The following FZD3 variants were observed in gnomAD, a reference collection of about 807,000 sequenced individuals.
The protein encoded by FZD3 is frizzled-3.
Under a neutral mutation model 60.7 loss-of-function variants are expected in FZD3, and 30 were observed. The ratio of observed to expected loss-of-function variants is 0.49; its 90% CI spans 0.37 to 0.67. The LOEUF (loss-of-function observed/expected upper bound fraction) is 0.67, where lower values mean the gene tolerates loss of function less well. FZD3 is among the 30% of genes least tolerant of loss of function. The probability of loss-of-function intolerance (pLI) is 0.00; values close to 1 mark genes in which losing one functional copy is unlikely to be tolerated. For missense variants in FZD3, 605 were observed against 838.7 expected (o/e 0.72, Z 3.44); for synonymous variants, 246 against 275.2 (o/e 0.89, Z 1.05).
intron 4 of FZD3, among the ~76,000 whole-genome samples, chr8:28,526,671 T>G (rs768469085): frequency 6.6e-6 from 1 of 152,180 alleles, no homozygotes; most frequent in Non-Finnish European, 1.5e-5. Flanking sequence ...TGGTTTGTAT[T>G]AGAAAATTTG....
rs1035168120 is a variant in FZD3 at position 28,552,045 on chromosome 8, C to T, written c.1553+294C>T. Among the ~76,000 whole-genome samples, 5 of 152,286 alleles carry T rather than the reference C, an allele frequency of 3.3e-5. No homozygotes were observed. In the South Asian group the frequency reaches 1.0e-3, roughly 32 times the overall value. On this transcript the variant is annotated intron_variant, in intron 6 of 7. Coordinates refer to ENST00000240093, the MANE Select transcript of FZD3 (RefSeq NM_017412.4). ...ATTCAAATTGTAATTTTCTTAAAAGCAAATTAATGCTTTTCTCTACATTCT... is the reference window on the plus strand; with the variant it reads ...ATTCAAATTGTAATTTTCTTAAAAGTAAATTAATGCTTTTCTCTACATTCT...
chr8:28,498,718 C>T (rs1316008228), intron 1 of FZD3, among the ~76,000 whole-genome samples: 1 of 152,170 alleles, frequency 6.6e-6, no homozygotes, highest in Admixed American at 6.5e-5. Flanking sequence ...GGCCTACAGG[C>T]GCATGCCAGC....
intron 3 of FZD3, among the ~76,000 whole-genome samples, chr8:28,515,598 C>T (rs979194687): frequency 5.3e-5 from 8 of 152,192 alleles, no homozygotes; most frequent in African/African-American, 1.9e-4. Flanking sequence ...TGTATGCATG[C>T]TCACTTGACG....
At position 28,527,935 on chromosome 8, in the gene FZD3, C is replaced by G. The variant is rs780945967; in HGVS notation, c.1175C>G (p.Ala392Gly). 2 of 1,613,856 alleles carry G rather than the reference C, an allele frequency of 1.2e-6. No individual in the cohort carries two copies. The highest frequency in any genetic ancestry group is 2.7e-5 in the African/African-American group (2 of 74,928). ...YVVVGVSLLLAGIISLNRVRI... is the reference protein window; with the variant it reads ...YVVVGVSLLLGGIISLNRVRI... ...GTAGTTGGGGTTTCTCTCCTCTTAG[C>G]TGGCATTATATCCCTAAACAGAGTT... Residue 392 changes from alanine (A) to glycine (G), a missense_variant, in exon 5 of 8, where the codon GCT (alanine) becomes GGT (glycine). Physicochemically the swap from Ala to Gly is moderately conservative, Grantham distance 60. Transcript: ENST00000240093. This position sits in a 1 kb window ranked among gnomAD's most constrained non-coding sequence, Gnocchi z 5.0.
At position 28,527,847 on chromosome 8, in the gene FZD3, G is replaced by C. The variant is rs747574173; in HGVS notation, c.1087G>C (p.Val363Leu). ...EGDNISGVCF[V>L]GLYDVDALRY... ...TGACAATATTAGTGGCGTGTGTTTT[G>C]TTGGCCTCTACGATGTTGATGCATT... The change falls in exon 5 of 8, where the codon GTT becomes CTT. Residue 363 changes from valine (V) to leucine (L), a missense_variant. Coordinates refer to ENST00000240093, the MANE Select transcript of FZD3 (RefSeq NM_017412.4). The surrounding 1 kb of genome is among the most constrained non-coding windows in gnomAD (Gnocchi z 5.0). 6.2e-7 allele frequency: 1 copy of C among 1,613,940 alleles called. No homozygotes were observed. The highest frequency in any genetic ancestry group is 1.3e-5 in the African/African-American group (1 of 74,914).
At chr8:28,519,354 G>C (rs1804511830) in intron 3 of FZD3, among the ~76,000 whole-genome samples, 3 of 152,020 alleles carry the variant, frequency 2.0e-5, no homozygotes, top group Admixed American at 1.3e-4. Flanking sequence ...TTTATGTTTG[G>C]GGTTACTATT....
At chr8:28,560,085 A>G (rs188938609) in intron 7 of FZD3, among the ~76,000 whole-genome samples, 1 of 152,294 alleles carries the variant, frequency 6.6e-6, no homozygotes, top group African/African-American at 2.4e-5. Context: ...TGACAAGAAA[A>G]AGCTAGGGAG....
At chr8:28,496,396 C>G (rs182510642) in intron 1 of FZD3, among the ~76,000 whole-genome samples, 1 of 152,146 alleles carries the variant, frequency 6.6e-6, no homozygotes, top group Non-Finnish European at 1.5e-5. Context: ...CTTACCACTT[C>G]TTTGAGCGGT....
chr8:28,563,126 A>T lies in FZD3; in HGVS notation c.*115A>T. 1 of 728,062 alleles carries T rather than the reference A, an allele frequency of 1.4e-6. No individual in the cohort carries two copies. The highest frequency in any genetic ancestry group is 1.6e-5 in the South Asian group (1 of 61,508). The allele number at this position is 728,062 out of a possible 1,614,324, so 45.1% of individuals were successfully genotyped here. On this transcript the variant is annotated 3_prime_UTR_variant, in exon 8 of 8. Transcript: ENST00000240093. ...TTAACATGCTTTCAGTCAAGTACAG[A>T]TTGTGTCCACTGGAAAGGTAAATGA...
chr8:28,503,992 A>C (rs1294819176), intron 3 of FZD3, among the ~76,000 whole-genome samples: 1 of 152,208 alleles, frequency 6.6e-6, no homozygotes, highest in Admixed American at 6.5e-5. Flanking sequence ...GTTAATTCAT[A>C]TTCTCATATT....
intron 4 of FZD3, among the ~76,000 whole-genome samples, chr8:28,523,377 T>G (rs960464786): frequency 6.6e-6 from 1 of 152,078 alleles, no homozygotes; most frequent in Non-Finnish European, 1.5e-5. Context: ...GCAAGCTCAC[T>G]CTGCAGCCTC....
chr8:28,498,026 C>T (rs928912154), intron 1 of FZD3, among the ~76,000 whole-genome samples: 2 of 152,198 alleles, frequency 1.3e-5, no homozygotes, highest in African/African-American at 4.8e-5. Context: ...TATAAAATTC[C>T]TGATGTTATA....
In FZD3 at chr8:28,566,390, T is replaced by C. The variant is rs1272385537; in HGVS notation, c.*3379T>C. Reference sequence around the variant, plus strand: ...TCTTAGAAGTGAGTAATTAGACTCCTTTTAGTCTTATGCTGTTAGATCTTT... The same window carrying C: ...TCTTAGAAGTGAGTAATTAGACTCCCTTTAGTCTTATGCTGTTAGATCTTT... On this transcript the variant is annotated 3_prime_UTR_variant, in exon 8 of 8. Transcript: ENST00000240093. 6.6e-6 allele frequency: 1 copy of C among 152,184 alleles called. No individual in the cohort carries two copies. Among genetic ancestry groups the C allele is most frequent in the East Asian group, 1.9e-4 (1 of 5,200 alleles). The allele number at this position is 152,184 out of a possible 1,614,324, so 9.4% of individuals were successfully genotyped here. A position where few individuals can be genotyped will look rare whatever the true frequency, so the allele number is the denominator to read the frequency against.
intron 3 of FZD3, among the ~76,000 whole-genome samples, chr8:28,511,734 C>T (rs1165715324): frequency 6.6e-6 from 1 of 152,164 alleles, no homozygotes; most frequent in East Asian, 1.9e-4. Context: ...TGACTCTCTT[C>T]TCCATACTCA....
At chr8:28,531,689 G>A (rs556142872) in intron 5 of FZD3, among the ~76,000 whole-genome samples, 36 of 152,120 alleles carry the variant, frequency 2.4e-4, no homozygotes, top group African/African-American at 7.7e-4. Flanking sequence ...CTTATTATAC[G>A]TAAGGTTGAA....
Position 28,555,879 on chromosome 8 carries a change from G to A in FZD3, c.1695G>A (p.Leu565=). The change falls in exon 7 of 8, where the codon CTG becomes CTA. Residue 565 remains leucine (L), a synonymous_variant. Transcript: ENST00000240093. The part of the protein sequence containing the change: ...GTSTHASSTQ[L]AMVDDQRSKA... ...CCACCCATGCTTCTTCAACTCAGCT[G>A]GCTATGGTGGATGATCAAAGAAGCA... The A allele has an allele frequency of 6.2e-7, 1 of 1,613,968 alleles. No homozygotes were observed. The highest frequency in any genetic ancestry group is 8.5e-7 in the Non-Finnish European group (1 of 1,179,850).
chr8:28,535,148 C>T lies in FZD3; in HGVS notation c.1404+6984C>T, dbSNP rs1804976590. On this transcript the variant is annotated intron_variant, in intron 5 of 7. Coordinates refer to ENST00000240093, the MANE Select transcript of FZD3 (RefSeq NM_017412.4). ...AGTGCAAATTGCATGAATGTAAATTCATAATTTGAAGAAAAATTGGCTGGG... is the reference window on the plus strand; with the variant it reads ...AGTGCAAATTGCATGAATGTAAATTTATAATTTGAAGAAAAATTGGCTGGG... Among the ~76,000 whole-genome samples the T allele has an allele frequency of 2.0e-5, 3 of 152,078 alleles. No homozygotes were observed. In the South Asian group the frequency reaches 6.2e-4, roughly 31 times the overall value.
chr8:28,546,776 C>T (rs532840745), intron 5 of FZD3, among the ~76,000 whole-genome samples: 1 of 152,152 alleles, frequency 6.6e-6, no homozygotes, highest in Admixed American at 6.5e-5. Context: ...GAGATCGAGA[C>T]CATCCTGGCT....
intron 5 of FZD3, among the ~76,000 whole-genome samples, chr8:28,536,082 G>A (rs1432333313): frequency 6.6e-6 from 1 of 152,066 alleles, no homozygotes; most frequent in Non-Finnish European, 1.5e-5. Context: ...ACCTCTTACC[G>A]GAGTGCTTTG....
Sources: allele counts gnomAD v4.1 joint callset (sites outside exome capture counted in the v4.1 genomes callset), GRCh38; gene constraint gnomAD v4.1.1; non-coding constraint Gnocchi (gnomAD v3.1); transcripts MANE v1.5; gene names NCBI Gene and HGNC (gene_info 2026-07-23, HGNC 2026-07-21).